Variants in PARD3B observed in about 807,000 individuals in gnomAD.
PARD3B encodes partitioning defective 3 homolog B.
Under a neutral mutation model 130.2 loss-of-function variants are expected in PARD3B, and 103 were observed. The observed-to-expected ratio is 0.79, with a 90% CI of 0.67 to 0.93. The LOEUF (loss-of-function observed/expected upper bound fraction) is 0.93, where lower values mean the gene tolerates loss of function less well. Ranked by LOEUF, PARD3B falls within the 40% of genes least tolerant of loss-of-function variation. The pLI is 0.00. For missense variants in PARD3B, 1,609 were observed against 1,499.2 expected, an observed-to-expected ratio of 1.07 and a Z score of -1.21; for synonymous variants, 583 against 553.2, an observed-to-expected ratio of 1.05 and a Z score of -0.76.
chr2:204,741,947 G>T (rs1303942903), intron 2 of PARD3B, among the ~76,000 whole-genome samples: 1 of 152,048 alleles, frequency 6.6e-6, no homozygotes, highest in Non-Finnish European at 1.5e-5. Flanking sequence ...TTCTCAGTGT[G>T]GTCCCTGGGC....
At position 205,463,017 on chromosome 2, in the gene PARD3B, A is replaced by G. The variant is rs932384538; in HGVS notation, c.3044+22345A>G. Among the ~76,000 whole-genome samples, 1 of 152,194 alleles carries G rather than the reference A, an allele frequency of 6.6e-6. No homozygotes were observed. Among genetic ancestry groups the G allele is most frequent in the Non-Finnish European group, 1.5e-5 (1 of 68,034 alleles). On this transcript the variant is annotated intron_variant, in intron 20 of 22. Transcript: ENST00000406610. The surrounding 1 kb of genome is among the most constrained non-coding windows in gnomAD (Gnocchi z 4.8). ...AATTGTGAGTTCCCTGTGGGCTCTA[A>G]TAATCAGAGTCCTAGTTAGAGAAAA...
At chr2:205,157,114 T>C (rs556003803) in intron 10 of PARD3B, among the ~76,000 whole-genome samples, 1 of 152,358 alleles carries the variant, frequency 6.6e-6, no homozygotes, top group African/African-American at 2.4e-5. Flanking sequence ...ATGGTTTTTC[T>C]TTAATTTGCA....
intron 1 of PARD3B, among the ~76,000 whole-genome samples, chr2:204,582,774 T>G (rs1286676467): frequency 6.6e-6 from 1 of 152,230 alleles, no homozygotes. Flanking sequence ...TGTGTAGATG[T>G]CATTTGCTTC....
intron 21 of PARD3B, among the ~76,000 whole-genome samples, chr2:205,549,420 T>A (rs2052519841): frequency 6.6e-6 from 1 of 152,174 alleles, no homozygotes; most frequent in Non-Finnish European, 1.5e-5. Context: ...CTAAATAAAC[T>A]GTGCTACATC....
chr2:205,031,520 C>T (rs1161555461), intron 3 of PARD3B, among the ~76,000 whole-genome samples: 1 of 152,186 alleles, frequency 6.6e-6, no homozygotes, highest in African/African-American at 2.4e-5. Flanking sequence ...GACTTAGATA[C>T]TGGCCTCTTA....
chr2:205,494,325 G>T (rs2049846113), intron 20 of PARD3B, among the ~76,000 whole-genome samples: 1 of 152,184 alleles, frequency 6.6e-6, no homozygotes, highest in Admixed American at 6.5e-5. Context: ...ACAGTGGCCA[G>T]GGTTTGGTGG....
At chr2:205,600,198 A>G (rs2054729600) in intron 22 of PARD3B, among the ~76,000 whole-genome samples, 1 of 152,230 alleles carries the variant, frequency 6.6e-6, no homozygotes, top group Non-Finnish European at 1.5e-5. Context: ...ATGAATAGCT[A>G]AGAGAATATT....
chr2:205,619,311 T>G lies in PARD3B; in HGVS notation c.*3498T>G, dbSNP rs1575501437. The G allele has an allele frequency of 6.6e-6, 1 of 152,242 alleles. No homozygotes were observed. The allele number at this position is 152,242 out of a possible 1,614,324, so 9.4% of individuals were successfully genotyped here. A position where few individuals can be genotyped will look rare whatever the true frequency, so the allele number is the denominator to read the frequency against. ...CTGTAACCACTGCATTCGTTTTCTT[T>G]GGAGGAACATTGTAGCATTTCAGGA... On this transcript the variant is annotated 3_prime_UTR_variant, in exon 23 of 23. Transcript: ENST00000406610.
chr2:205,526,602 G>C (rs771717791), intron 21 of PARD3B, among the ~76,000 whole-genome samples: 30 of 152,042 alleles, frequency 2.0e-4, no homozygotes, highest in Non-Finnish European at 4.1e-4. Context: ...TTTCATTTTT[G>C]ACTTGGAAAC....
intron 3 of PARD3B, among the ~76,000 whole-genome samples, chr2:204,971,370 A>C (rs530322565): frequency 6.6e-6 from 1 of 152,310 alleles, no homozygotes; most frequent in East Asian, 1.9e-4. Context: ...CTTCTGATGA[A>C]GCCTTTGAAT....
intron 2 of PARD3B, among the ~76,000 whole-genome samples, chr2:204,803,633 C>T (rs534554257): frequency 1.3e-5 from 2 of 152,138 alleles, no homozygotes; most frequent in African/African-American, 4.8e-5. Context: ...CCAGTGTTGT[C>T]GTCAGTTTAA....
chr2:204,896,031 C>G (rs1046901699), intron 2 of PARD3B, among the ~76,000 whole-genome samples: 1 of 152,078 alleles, frequency 6.6e-6, no homozygotes, highest in Non-Finnish European at 1.5e-5. Context: ...TTTCTTCAAC[C>G]GTAAGCACTT....
chr2:205,549,863 G>T (rs1575329460), intron 21 of PARD3B, among the ~76,000 whole-genome samples: 1 of 152,266 alleles, frequency 6.6e-6, no homozygotes, highest in East Asian at 1.9e-4. Flanking sequence ...TAATGAAGGA[G>T]GTTATGCATG....
At chr2:205,365,200 CAAAA>C (rs34761577) in intron 18 of PARD3B, among the ~76,000 whole-genome samples, 1 of 127,826 alleles carries the variant, frequency 7.8e-6, no homozygotes. Flanking sequence ...AACTCCGTGT[CAAAA>C]AAAAAAAAAA....
chr2:205,339,351 A>C (rs866259246), intron 18 of PARD3B, among the ~76,000 whole-genome samples: 1 of 152,220 alleles, frequency 6.6e-6, no homozygotes, highest in South Asian at 2.1e-4. Flanking sequence ...GGAGAAGTTT[A>C]GTAGCTCAAA....
intron 4 of PARD3B, among the ~76,000 whole-genome samples, chr2:205,099,304 TA>T (rs1375457875): frequency 6.6e-6 from 1 of 152,188 alleles, no homozygotes; most frequent in Non-Finnish European, 1.5e-5. Flanking sequence ...TGAAATCACA[TA>T]ATTAATATTG....
intron 20 of PARD3B, among the ~76,000 whole-genome samples, chr2:205,498,493 C>T (rs1181485594): frequency 6.6e-6 from 1 of 151,332 alleles, no homozygotes; most frequent in Non-Finnish European, 1.5e-5. Flanking sequence ...CAGAGCAAGA[C>T]TCCATCTCAA....
Position 205,380,852 on chromosome 2 carries a change from ATACAT to A in PARD3B, c.2631-20158_2631-20154del, listed in dbSNP as rs1294624122. Among the ~76,000 whole-genome samples, 604 of 106,690 alleles carry A rather than the reference ATACAT, an allele frequency of 5.7e-3. 4 individuals carry two copies. The highest frequency in any genetic ancestry group is 8.7e-3 in the Non-Finnish European group (525 of 60,324). The allele number at this position is 106,690 out of a possible 152,430, so 70.0% of individuals were successfully genotyped here. A position where few individuals can be genotyped will look rare whatever the true frequency, so the allele number is the denominator to read the frequency against. On this transcript the variant is annotated intron_variant, in intron 18 of 22. Coordinates refer to ENST00000406610, the MANE Select transcript of PARD3B (RefSeq NM_001302769.2). ...TAAAGAATACATTATAATATAAAGA[ATACAT>A]TATATATAATATAAAGAATACATTA...
chr2:205,495,991 G>C (rs11677016), intron 20 of PARD3B, among the ~76,000 whole-genome samples: 69,857 of 151,900 alleles, frequency 0.46, 16,992 homozygotes, highest in Middle Eastern at 0.65. Flanking sequence ...AAAGAATTCT[G>C]AGAATTCTTT....
Sources: gnomAD v4.1 joint callset for allele counts (sites outside exome capture counted in the v4.1 genomes callset) on GRCh38, gnomAD v4.1.1 for gene constraint, Gnocchi (gnomAD v3.1) non-coding constraint, MANE v1.5 for transcripts, NCBI Gene and HGNC (gene_info 2026-07-23, HGNC 2026-07-21) for gene names.